The following UTRN variants were observed in gnomAD, a reference collection of about 807,000 sequenced individuals.
UTRN encodes utrophin.
Under a neutral mutation model 463.9 loss-of-function variants are expected in UTRN, and 283 were observed. The observed-to-expected ratio is 0.61, with a 90% CI of 0.55 to 0.67. The LOEUF is 0.67. Ranked by LOEUF, UTRN falls within the 30% of genes least tolerant of loss-of-function variation. The pLI is 0.00. For synonymous variants in UTRN, 1,442 were observed against 1,431.5 expected, an observed-to-expected ratio of 1.01 and a Z score of -0.17; for missense variants, 3,922 against 4,084.3, an observed-to-expected ratio of 0.96 and a Z score of 1.08.
rs1485063016 is a variant in UTRN at position 144,345,036 on chromosome 6, G to A, written c.79+53129G>A. Among the ~76,000 whole-genome samples the A allele has an allele frequency of 5.3e-5, 8 of 152,152 alleles. No homozygotes were observed. The South Asian group carries it at 1.0e-3, about 20-fold the overall frequency. ...AAACCCCAAGTGATGTGTTTTATTC[G>A]ATCATACATATCATGCATGAATGTT... On this transcript the variant is annotated intron_variant, in intron 2 of 74. Coordinates refer to ENST00000367545, the MANE Select transcript of UTRN (RefSeq NM_007124.3).
intron 58 of UTRN, among the ~76,000 whole-genome samples, chr6:144,759,621 G>A (rs1792419484): frequency 6.6e-6 from 1 of 152,066 alleles, no homozygotes; most frequent in South Asian, 2.1e-4. Flanking sequence ...AGATTATTCT[G>A]GATTATCCTG....
intron 53 of UTRN, among the ~76,000 whole-genome samples, chr6:144,722,504 A>G (rs1040786990): frequency 1.3e-5 from 2 of 152,024 alleles, no homozygotes; most frequent in African/African-American, 2.4e-5. Context: ...TGCTCTTTTC[A>G]TCAAAAGATA....
chr6:144,341,063 A>G (rs994511083), intron 2 of UTRN, among the ~76,000 whole-genome samples: 25 of 152,214 alleles, frequency 1.6e-4, no homozygotes, highest in African/African-American at 6.0e-4. Flanking sequence ...CTTAATATGA[A>G]TGTTTTAGAA....
chr6:144,435,338 A>T (rs762669663), intron 9 of UTRN, among the ~76,000 whole-genome samples: 31 of 152,204 alleles, frequency 2.0e-4, no homozygotes, highest in Admixed American at 9.2e-4. Flanking sequence ...AGGTTGATAG[A>T]AATTTATTCC....
At chr6:144,649,658 A>T (rs1778610099) in intron 51 of UTRN, among the ~76,000 whole-genome samples, 1 of 152,206 alleles carries the variant, frequency 6.6e-6, no homozygotes, top group South Asian at 2.1e-4. Context: ...CGGGAACTTA[A>T]AGGGAACTTC....
intron 37 of UTRN, among the ~76,000 whole-genome samples, chr6:144,515,648 A>T (rs1267444271): frequency 1.3e-5 from 2 of 152,224 alleles, no homozygotes; most frequent in Non-Finnish European, 2.9e-5. Flanking sequence ...GTTTTCCCAC[A>T]CTTAGCCAAC....
intron 63 of UTRN, among the ~76,000 whole-genome samples, chr6:144,797,189 ATTTT>A (rs5880614): frequency 7.0e-6 from 1 of 142,056 alleles, no homozygotes; most frequent in Admixed American, 7.1e-5. Context: ...CTTAGATGAA[ATTTT>A]TTTTTTTTTT....
chr6:144,655,288 A>G (rs1000079353), intron 51 of UTRN, among the ~76,000 whole-genome samples: 13 of 152,244 alleles, frequency 8.5e-5, no homozygotes, highest in Non-Finnish European at 1.5e-4. Context: ...GTTAACTTGA[A>G]AGTCGAAATG....
Position 144,732,211 on chromosome 6 carries a change from G to GTTTT in UTRN, c.7939+1726_7939+1729dup, listed in dbSNP as rs1247625668. ...AAGAATTATTCCTTTTGAGTACTCT[G>GTTTT]TTTTATATATATATATATATATATA... On this transcript the variant is annotated intron_variant, in intron 54 of 74. Transcript: ENST00000367545. 2.9e-5 allele frequency among the ~76,000 whole-genome samples: 3 copies of GTTTT among 104,154 alleles called. No homozygotes were observed. In the East Asian group the frequency reaches 9.9e-4, roughly 34 times the overall value. 68.3% of individuals were successfully genotyped at this position (104,154 alleles called of 152,430 possible). A position where few individuals can be genotyped will look rare whatever the true frequency, so the allele number is the denominator to read the frequency against.
At chr6:144,373,775 G>T (rs78521071) in intron 2 of UTRN, among the ~76,000 whole-genome samples, 202 of 152,270 alleles carry the variant, frequency 1.3e-3, no homozygotes, top group African/African-American at 4.6e-3. Context: ...TGCTGCTGCT[G>T]TCATCATTTT....
In UTRN at chr6:144,490,114, A is replaced by G. The variant is rs763419865; in HGVS notation, c.4178A>G (p.Glu1393Gly). The G allele has an allele frequency of 2.5e-6, 4 of 1,613,584 alleles. No individual in the cohort carries two copies. In the South Asian group the frequency reaches 4.4e-5, roughly 18 times the overall value. Residue 1393 changes from glutamate to glycine, a missense_variant, in exon 31 of 75, where the codon GAG becomes GGG. Glu to Gly is a moderately conservative substitution (Grantham distance 98, BLOSUM62 -2). This residue lies in a region of UTRN where 2,349 missense variants were observed against 2,303.8 expected (regional missense o/e 1.02). Coordinates refer to ENST00000367545, the MANE Select transcript of UTRN (RefSeq NM_007124.3). ...EISAHELTLE[E>G]LRRNMRSQPL... Reference sequence around the variant, plus strand: ...TCAGCCCATGAGCTAACCCTAGAGGAGTTGAGAAGAAATATGCGTTCTCAG... The same window carrying G: ...TCAGCCCATGAGCTAACCCTAGAGGGGTTGAGAAGAAATATGCGTTCTCAG...
intron 52 of UTRN, among the ~76,000 whole-genome samples, 187 bp from the exon 53 acceptor site, chr6:144,699,900 A>T (rs116101270): frequency 0.034 from 5,004 of 148,278 alleles, 291 homozygotes; most frequent in African/African-American, 0.12. Context: ...TATATCATAC[A>T]TATATATGTA....
rs200885682 is a variant in UTRN at position 144,461,314 on chromosome 6, A to C, written c.2825A>C (p.Lys942Thr). 1.3e-6 allele frequency: 2 copies of C among 1,584,972 alleles called. No individual in the cohort carries two copies. Among genetic ancestry groups the C allele is most frequent in the East Asian group, 4.5e-5 (2 of 44,554 alleles). ...CTGAATGTCCTTAATGATCTTGCCA[A>C]GGTGGAGAAGGCCCTGCAAGAAAAA... ...VSLNVLNDLA[K>T]VEKALQEKKT... Residue 942 changes from lysine (K) to threonine (T), a missense_variant, in exon 22 of 75, where the codon AAG becomes ACG. By Grantham distance (78) the Lys-to-Thr change is moderately conservative. Coordinates refer to ENST00000367545, the MANE Select transcript of UTRN (RefSeq NM_007124.3).
intron 43 of UTRN, among the ~76,000 whole-genome samples, chr6:144,534,097 GTAT>G (rs955006917): frequency 1.3e-5 from 2 of 152,112 alleles, no homozygotes; most frequent in African/African-American, 4.8e-5. Flanking sequence ...ATCAGGTCCA[GTAT>G]TATTATGCAA....
At chr6:144,336,705 T>C (rs1776743357) in intron 2 of UTRN, among the ~76,000 whole-genome samples, 1 of 152,068 alleles carries the variant, frequency 6.6e-6, no homozygotes, top group Non-Finnish European at 1.5e-5. Flanking sequence ...TCCAGAAAAA[T>C]TACTCCCTCT....
chr6:144,327,810 G>A (rs948602489), intron 2 of UTRN, among the ~76,000 whole-genome samples: 2 of 152,032 alleles, frequency 1.3e-5, no homozygotes, highest in Non-Finnish European at 2.9e-5. Context: ...TGGGCATGGT[G>A]GCGGGTACCT....
intron 2 of UTRN, among the ~76,000 whole-genome samples, chr6:144,381,175 A>G (rs577437023): frequency 6.6e-6 from 1 of 151,196 alleles, no homozygotes; most frequent in Non-Finnish European, 1.5e-5. Flanking sequence ...CCTCCCCCCA[A>G]CCTCCACCCT....
At chr6:144,612,144 A>G (rs1335500551) in intron 51 of UTRN, among the ~76,000 whole-genome samples, 1 of 152,158 alleles carries the variant, frequency 6.6e-6, no homozygotes, top group Non-Finnish European at 1.5e-5. Context: ...TCTTCAATGC[A>G]TTATGTTGGA....
At chr6:144,772,416 G>A (rs1193683199) in intron 59 of UTRN, among the ~76,000 whole-genome samples, 2 of 152,126 alleles carry the variant, frequency 1.3e-5, no homozygotes, top group Non-Finnish European at 2.9e-5. Context: ...ACATTTAAAA[G>A]TAGTTAAATT....
Sources: gnomAD v4.1 joint callset for allele counts (sites outside exome capture counted in the v4.1 genomes callset) on GRCh38, gnomAD v4.1.1 for gene constraint, gnomAD v4.1.1 regional missense constraint, MANE v1.5 for transcripts, NCBI Gene and HGNC (gene_info 2026-07-23, HGNC 2026-07-21) for gene names.